Variants in DAAM1 observed in about 807,000 individuals in gnomAD.
DAAM1 encodes disheveled-associated activator of morphogenesis 1.
A neutral mutation model predicts 130.0 loss-of-function variants in DAAM1; 52 were observed. The ratio of observed to expected loss-of-function variants is 0.40; its 90% CI spans 0.32 to 0.50. The LOEUF is 0.50. DAAM1 is among the 20% of genes least tolerant of loss of function. The probability of loss-of-function intolerance (pLI) is 0.61; values close to 1 mark genes in which losing one functional copy is unlikely to be tolerated. For synonymous variants in DAAM1, 452 were observed against 444.5 expected, an observed-to-expected ratio of 1.02 and a Z score of -0.21; for missense variants, 1,134 against 1,303.8, an observed-to-expected ratio of 0.87 and a Z score of 2.01.
At chr14:59,206,769 C>A (rs1888275221) in intron 1 of DAAM1, among the ~76,000 whole-genome samples, 1 of 152,140 alleles carries the variant, frequency 6.6e-6, no homozygotes, top group African/African-American at 2.4e-5. Flanking sequence ...TTTGACAAAT[C>A]AGTTTGTATT....
At chr14:59,310,705 G>C (rs1884554155) in intron 3 of DAAM1, among the ~76,000 whole-genome samples, 1 of 152,164 alleles carries the variant, frequency 6.6e-6, no homozygotes, top group Non-Finnish European at 1.5e-5. Flanking sequence ...TGAGATGATG[G>C]TATTAGTATA....
At chr14:59,285,372 A>G (rs1218303315) in intron 2 of DAAM1, among the ~76,000 whole-genome samples, 2 of 152,156 alleles carry the variant, frequency 1.3e-5, no homozygotes, top group Non-Finnish European at 2.9e-5. Flanking sequence ...ATATGCACAT[A>G]CAATCAAGTC....
rs1883577249 is a variant in DAAM1 at position 59,288,827 on chromosome 14, TAGC to T, written c.184-2387_184-2385del. ...GGGAAGCAAGCACATTTTCCTGTGA[TAGC>T]AGGAGAGAGAGAGAGAGAGAGAGAG... On this transcript the variant is annotated intron_variant, in intron 2 of 24. Transcript: ENST00000360909. 3.5e-5 allele frequency among the ~76,000 whole-genome samples: 3 copies of T among 84,846 alleles called. 1 individual carries two copies. The highest frequency in any genetic ancestry group is 1.8e-4 in the African/African-American group (3 of 16,574). The allele number at this position is 84,846 out of a possible 152,430, so 55.7% of individuals were successfully genotyped here. A position where few individuals can be genotyped will look rare whatever the true frequency, so the allele number is the denominator to read the frequency against.
intron 1 of DAAM1, among the ~76,000 whole-genome samples, chr14:59,196,469 T>A (rs1480542345): frequency 6.6e-6 from 1 of 152,034 alleles, no homozygotes; most frequent in Non-Finnish European, 1.5e-5. Flanking sequence ...ATGGGCCGGG[T>A]GCGGTGGCTC....
At chr14:59,221,426 T>C (rs1888768638) in intron 1 of DAAM1, among the ~76,000 whole-genome samples, 1 of 152,222 alleles carries the variant, frequency 6.6e-6, no homozygotes, top group Non-Finnish European at 1.5e-5. Context: ...TGGTCACAGA[T>C]GGTATCATAA....
chr14:59,230,111 G>T (rs778927909), intron 1 of DAAM1, among the ~76,000 whole-genome samples: 7 of 152,080 alleles, frequency 4.6e-5, no homozygotes, highest in Non-Finnish European at 1.0e-4. Flanking sequence ...CAACAGATCC[G>T]TCATTTCTCT....
At chr14:59,262,804 TAGTTA>T (rs1416756710) in intron 1 of DAAM1, among the ~76,000 whole-genome samples, 1 of 152,134 alleles carries the variant, frequency 6.6e-6, no homozygotes, top group Non-Finnish European at 1.5e-5. Context: ...AAATTTGAAT[TAGTTA>T]ATACAGTGAA....
chr14:59,325,818 T>C, intron 9 of DAAM1, 88 bp downstream of exon 9: 11 of 1,552,632 alleles, frequency 7.1e-6, no homozygotes, highest in South Asian at 1.1e-5. Context: ...ACATGGACTT[T>C]AGGGCAACCT....
At chr14:59,351,388 G>A (rs2139667924) in intron 17 of DAAM1, among the ~76,000 whole-genome samples, 1 of 152,126 alleles carries the variant, frequency 6.6e-6, no homozygotes, top group African/African-American at 2.4e-5. Flanking sequence ...GATTTTTAAG[G>A]TATGTCCCAG....
intron 1 of DAAM1, among the ~76,000 whole-genome samples, chr14:59,239,841 G>A (rs1305120436): frequency 2.0e-5 from 3 of 152,076 alleles, no homozygotes; most frequent in African/African-American, 4.8e-5. Context: ...ACATTCTAGC[G>A]ACTTTTCTTT....
At chr14:59,195,776 A>G (rs1045414863) in intron 1 of DAAM1, among the ~76,000 whole-genome samples, 1 of 152,140 alleles carries the variant, frequency 6.6e-6, no homozygotes, top group Non-Finnish European at 1.5e-5. Context: ...CTTGTTGGCT[A>G]GCTCAGTTTG....
intron 2 of DAAM1, among the ~76,000 whole-genome samples, chr14:59,275,907 G>A (rs1271866839): frequency 2.0e-5 from 3 of 152,190 alleles, no homozygotes; most frequent in African/African-American, 7.2e-5. Context: ...GGTATTTCAT[G>A]TAATGACTAA....
chr14:59,261,156 C>T (rs1882143872), intron 1 of DAAM1, among the ~76,000 whole-genome samples: 1 of 152,146 alleles, frequency 6.6e-6, no homozygotes, highest in Non-Finnish European at 1.5e-5. Flanking sequence ...CCCCTTCCTA[C>T]CTCATGCCTT....
chr14:59,275,040 A>G lies in DAAM1; in HGVS notation c.183+11380A>G, dbSNP rs200846671. On this transcript the variant is annotated intron_variant, in intron 2 of 24. Coordinates refer to ENST00000360909, the MANE Select transcript of DAAM1 (RefSeq NM_001270520.2). ...CTTTAAAGTGTCAGACAAGCAGCCA[A>G]ACAATCCTCTTGAGGGTGTGGGAGG... Among the ~76,000 whole-genome samples, 196 of 152,314 alleles carry G rather than the reference A, an allele frequency of 1.3e-3. 1 individual carries two copies. Among genetic ancestry groups the G allele is most frequent in the African/African-American group, 4.6e-3 (190 of 41,558 alleles).
chr14:59,305,541 C>T lies in DAAM1; in HGVS notation c.274-9739C>T, dbSNP rs537250133. Among the ~76,000 whole-genome samples, 5 of 152,268 alleles carry T rather than the reference C, an allele frequency of 3.3e-5. No homozygotes were observed. The East Asian group carries it at 9.6e-4, about 29-fold the overall frequency. On this transcript the variant is annotated intron_variant, in intron 3 of 24. Transcript: ENST00000360909. The stretch of plus-strand genomic sequence containing the variant: ...GGAAGTGGACTGTAAAATCTCAGTT[C>T]TTAGTTCTAGCTAAGTGTTGTGGCT...
intron 1 of DAAM1, among the ~76,000 whole-genome samples, chr14:59,210,968 G>C (rs1007050567): frequency 6.8e-6 from 1 of 148,092 alleles, no homozygotes; most frequent in African/African-American, 2.4e-5. Context: ...AGATCCAAAT[G>C]CTTGTCTAAA....
chr14:59,291,885 C>A (rs561897060), intron 3 of DAAM1, among the ~76,000 whole-genome samples: 65 of 152,282 alleles, frequency 4.3e-4, no homozygotes, highest in African/African-American at 1.4e-3. Context: ...GGACTAAAGT[C>A]TTTATTCTGG....
At position 59,323,180 on chromosome 14, in the gene DAAM1, C is replaced by G. The variant is rs531992927; in HGVS notation, c.729C>G (p.Ala243=). The change falls in exon 6 of 25, where the codon GCC becomes GCG. Residue 243 remains alanine, a synonymous_variant. Coordinates refer to ENST00000360909, the MANE Select transcript of DAAM1 (RefSeq NM_001270520.2). ...VPGGHKKVLQ[A]MLHYQKYASE... is the part of the protein sequence containing the mutation. The stretch of plus-strand genomic sequence containing the variant: ...GGGGCCACAAGAAGGTTCTGCAGGC[C>G]ATGCTGCACTACCAGAAGTATGCCA... 1 of 1,613,478 alleles carries G rather than the reference C, an allele frequency of 6.2e-7. No individual in the cohort carries two copies. The highest frequency in any genetic ancestry group is 2.2e-5 in the East Asian group (1 of 44,810).
At chr14:59,283,866 C>T (rs567782925) in intron 2 of DAAM1, among the ~76,000 whole-genome samples, 14 of 152,092 alleles carry the variant, frequency 9.2e-5, no homozygotes, top group Non-Finnish European at 1.5e-4. Context: ...AAAGACAGGC[C>T]GATGAGTGGA....
Sources: gnomAD v4.1 joint callset for allele counts (sites outside exome capture counted in the v4.1 genomes callset) on GRCh38, gnomAD v4.1.1 for gene constraint, MANE v1.5 for transcripts, NCBI Gene and HGNC (gene_info 2026-07-23, HGNC 2026-07-21) for gene names.